Variants in ZNF254 observed in about 807,000 individuals in gnomAD.
ZNF254 encodes the protein zinc finger protein 254.
Under a neutral mutation model 12.4 loss-of-function variants are expected in ZNF254, and 10 were observed. The observed-to-expected ratio is 0.80, with a 90% confidence interval of 0.50 to 1.36. ZNF254 has a LOEUF of 1.36. Ranked by LOEUF, ZNF254 falls within the 40% of genes most tolerant of loss-of-function variation. The probability of loss-of-function intolerance (pLI) is 0.00; values close to 1 mark genes in which losing one functional copy is unlikely to be tolerated. For missense variants in ZNF254, 996 were observed against 763.9 expected (o/e 1.30, Z -3.58); for synonymous variants, 305 against 253.4 (o/e 1.20, Z -1.93).
At chr19:24,065,035 C>A in intron 2 of ZNF254, among the ~76,000 whole-genome samples, 1 of 152,148 alleles carries the variant, frequency 6.6e-6, no homozygotes, top group East Asian at 1.9e-4. Context: ...TTCTCACTTG[C>A]CTGAGACCTG....
chr19:24,062,653 C>G (rs1971119125), intron 2 of ZNF254, among the ~76,000 whole-genome samples: 1 of 152,174 alleles, frequency 6.6e-6, no homozygotes, highest in South Asian at 2.1e-4. Context: ...CTTAAACACA[C>G]TCTTCTTTTG....
chr19:24,034,935 C>T (rs561036729), intron 1 of ZNF254, among the ~76,000 whole-genome samples: 2 of 146,248 alleles, frequency 1.4e-5, no homozygotes, highest in Admixed American at 6.8e-5. Flanking sequence ...AGGCACCTGC[C>T]GTCATGCGCA....
rs1308916969 is a variant in ZNF254, at chr19:24,128,289, T to C, written c.*309T>C. 4 of 268,940 alleles carry C rather than the reference T, an allele frequency of 1.5e-5. No homozygotes were observed. The highest frequency in any genetic ancestry group is 2.8e-5 in the Non-Finnish European group (4 of 144,880). 16.7% of individuals were successfully genotyped at this position (268,940 alleles called of 1,614,324 possible). Reference sequence around the variant, plus strand: ...AAGCATTTATACTTGAGAAGAAATGTACAAATATTGGCAAAGTAAAAAATC... The same window carrying C: ...AAGCATTTATACTTGAGAAGAAATGCACAAATATTGGCAAAGTAAAAAATC... On this transcript the variant is annotated 3_prime_UTR_variant, in exon 4 of 4. Coordinates refer to ENST00000357002, the MANE Select transcript of ZNF254 (RefSeq NM_203282.4).
intron 3 of ZNF254, among the ~76,000 whole-genome samples, chr19:24,115,071 TTGG>T (rs1255923711): frequency 6.6e-6 from 1 of 152,234 alleles, no homozygotes; most frequent in African/African-American, 2.4e-5. Flanking sequence ...TTTTACACTG[TTGG>T]TGGGACTGTC....
At chr19:24,049,211 TATA>T (rs1408165398) in intron 2 of ZNF254, among the ~76,000 whole-genome samples, 53 of 53,942 alleles carry the variant, frequency 9.8e-4, no homozygotes, top group African/African-American at 2.9e-3. Context: ...TATATATATA[TATA>T]TTTTTTTTTT....
intron 2 of ZNF254, among the ~76,000 whole-genome samples, chr19:24,051,793 A>G (rs535716203): frequency 1.1e-4 from 16 of 152,206 alleles, no homozygotes; most frequent in South Asian, 2.1e-4. Flanking sequence ...AAGTATTGGT[A>G]CATATCACTG....
chr19:24,075,256 C>A (rs555567157), intron 2 of ZNF254, among the ~76,000 whole-genome samples: 8 of 151,976 alleles, frequency 5.3e-5, no homozygotes, highest in Non-Finnish European at 1.0e-4. Context: ...ATTGCTGGGC[C>A]CAACACCTAG....
rs376985203 is a variant in ZNF254, at chr19:24,039,055, G to A, written c.-190+5434G>A. On this transcript the variant is annotated intron_variant, in intron 1 of 4. Transcript: ENST00000613065. ...TCTGCAGTTCCAAATTTTGAGTCCA[G>A]CTAATAGGGTTCTCCATTCTGTGTT... Among the ~76,000 whole-genome samples the A allele has an allele frequency of 3.3e-5, 5 of 152,322 alleles. No individual in the cohort carries two copies. In the East Asian group the frequency reaches 7.7e-4, roughly 24 times the overall value.
intron 2 of ZNF254, among the ~76,000 whole-genome samples, chr19:24,063,611 C>T (rs1971157993): frequency 6.6e-6 from 1 of 152,176 alleles, no homozygotes; most frequent in Non-Finnish European, 1.5e-5. Context: ...TATATGTCTT[C>T]ACCAATCACC....
chr19:24,039,288 A>G (rs1166164645), intron 1 of ZNF254, among the ~76,000 whole-genome samples: 2 of 152,252 alleles, frequency 1.3e-5, no homozygotes, highest in African/African-American at 4.8e-5. Flanking sequence ...CTGGTGGCAG[A>G]ATCTCTAAGT....
chr19:24,087,874 A>G (rs1316642029), intron 1 of ZNF254, among the ~76,000 whole-genome samples: 1 of 150,990 alleles, frequency 6.6e-6, no homozygotes, highest in African/African-American at 2.4e-5. Flanking sequence ...ACCAAATTCA[A>G]TAATTGGCTA....
At chr19:24,120,153 G>T (rs74726576) in intron 3 of ZNF254, among the ~76,000 whole-genome samples, 1 of 152,036 alleles carries the variant, frequency 6.6e-6, no homozygotes, top group East Asian at 1.9e-4. Flanking sequence ...AAGAGCTTGC[G>T]CAGGAAAACT....
chr19:24,095,741 A>G (rs538259467), intron 1 of ZNF254, among the ~76,000 whole-genome samples: 20 of 151,586 alleles, frequency 1.3e-4, no homozygotes, highest in Non-Finnish European at 2.4e-4. Context: ...TGTTATTTCT[A>G]ATTGTGTTTA....
At chr19:24,049,639 C>T (rs919163885) in intron 2 of ZNF254, 1 of 152,134 alleles carries the variant, frequency 6.6e-6, no homozygotes, top group African/African-American at 2.4e-5. Context: ...TGAATCTTCT[C>T]TCCTGCCTTG....
intron 1 of ZNF254, among the ~76,000 whole-genome samples, chr19:24,044,086 A>C (rs1345875827): frequency 6.6e-6 from 1 of 151,868 alleles, no homozygotes; most frequent in Non-Finnish European, 1.5e-5. Flanking sequence ...TGAAAATACA[A>C]AAACTTAGCT....
intron 2 of ZNF254, among the ~76,000 whole-genome samples, chr19:24,050,099 C>T (rs1201114902): frequency 6.6e-6 from 1 of 151,888 alleles, no homozygotes; most frequent in Non-Finnish European, 1.5e-5. Flanking sequence ...CTACAAGGTG[C>T]ATTGTAACAT....
At chr19:24,069,860 G>A (rs1305305008) in intron 2 of ZNF254, among the ~76,000 whole-genome samples, 2 of 152,194 alleles carry the variant, frequency 1.3e-5, no homozygotes, top group African/African-American at 4.8e-5. Context: ...GCTGAGGCAG[G>A]AGAATCACTT....
intron 3 of ZNF254, 59 bp from the exon 4 acceptor site, chr19:24,126,195 A>G (rs1974820402): frequency 8.5e-7 from 1 of 1,170,152 alleles, no homozygotes; most frequent in Non-Finnish European, 1.1e-6. Context: ...AGATTTTTAA[A>G]CTATATTCAT....
chr19:24,041,475 G>A (rs542714788), intron 1 of ZNF254, among the ~76,000 whole-genome samples: 10 of 152,380 alleles, frequency 6.6e-5, no homozygotes, highest in South Asian at 2.1e-4. Context: ...GCTGCGGAGG[G>A]TGTACTGAGT....
Sources: gnomAD v4.1 joint callset for allele counts (sites outside exome capture counted in the v4.1 genomes callset) on GRCh38, gnomAD v4.1.1 for gene constraint, MANE v1.5 for transcripts, NCBI Gene and HGNC (gene_info 2026-07-23, HGNC 2026-07-21) for gene names.